EXOC6B: variants seen among roughly 807,000 people sequenced by gnomAD.
EXOC6B encodes the protein exocyst complex component 6B, also known as SEC15 homolog B.
In EXOC6B, 54 loss-of-function variants were observed where a neutral mutation model predicts 113.5. The observed-to-expected ratio is 0.48, with a 90% confidence interval of 0.38 to 0.60. The LOEUF (loss-of-function observed/expected upper bound fraction) is 0.60. Ranked by LOEUF, EXOC6B falls within the 20% of genes least tolerant of loss-of-function variation. The probability of loss-of-function intolerance (pLI) is 0.00; values close to 1 mark genes in which losing one functional copy is unlikely to be tolerated. For missense variants in EXOC6B, 797 were observed against 977.5 expected (o/e 0.82, Z 2.46); for synonymous variants, 357 against 339.0 (o/e 1.05, Z -0.58).
At chr2:72,782,453 G>A (rs1299051267) in intron 1 of EXOC6B, among the ~76,000 whole-genome samples, 5 of 152,056 alleles carry the variant, frequency 3.3e-5, no homozygotes, top group African/African-American at 4.8e-5. Context: ...TTTGTTACAC[G>A]TATAGACTGT....
intron 20 of EXOC6B, among the ~76,000 whole-genome samples, chr2:72,326,356 C>T (rs1455571353): frequency 6.6e-6 from 1 of 152,136 alleles, no homozygotes; most frequent in Non-Finnish European, 1.5e-5. Flanking sequence ...CTGAGTTCCT[C>T]AGGCTTGGTT....
chr2:72,183,491 C>T (rs1332813100), intron 21 of EXOC6B, among the ~76,000 whole-genome samples: 1 of 152,218 alleles, frequency 6.6e-6, no homozygotes. Flanking sequence ...AGGGAACCCT[C>T]TGCAGGCTAG....
chr2:72,310,517 A>G (rs1209048028), intron 20 of EXOC6B, among the ~76,000 whole-genome samples: 1 of 152,094 alleles, frequency 6.6e-6, no homozygotes, highest in Non-Finnish European at 1.5e-5. Context: ...AGAGTTCTTT[A>G]TATATTCTGG....
intron 6 of EXOC6B, 92 bp downstream of exon 6, chr2:72,718,006 GGATAA>G: frequency 2.4e-6 from 2 of 825,996 alleles, no homozygotes; most frequent in African/African-American, 1.7e-5. Context: ...TAAGAAACTT[GGATAA>G]GATAATGACT....
intron 1 of EXOC6B, among the ~76,000 whole-genome samples, chr2:72,768,288 CTTTT>C (rs200442752): frequency 3.8e-5 from 4 of 105,360 alleles, no homozygotes; most frequent in Admixed American, 2.1e-4. Flanking sequence ...AGAATGCAAG[CTTTT>C]TTTTTTTTTT....
In EXOC6B at chr2:72,663,748, G is replaced by A. The variant is rs190157222; in HGVS notation, c.669+54355C>T. On this transcript the variant is annotated intron_variant, in intron 6 of 21. Transcript: ENST00000272427. The stretch of plus-strand genomic sequence containing the variant: ...GAATACATAGGACTTTTAGGGCAGT[G>A]AAACTATTCCATAATATTGCTATGG... Among the ~76,000 whole-genome samples the A allele has an allele frequency of 2.7e-4, 41 of 152,204 alleles. 1 individual carries two copies. In the East Asian group the frequency reaches 6.8e-3, roughly 25 times the overall value.
At chr2:72,189,194 C>G (rs1472826904) in intron 20 of EXOC6B, among the ~76,000 whole-genome samples, 1 of 152,088 alleles carries the variant, frequency 6.6e-6, no homozygotes, top group Non-Finnish European at 1.5e-5. Flanking sequence ...GCTGTCATGT[C>G]TCTTTAGTTT....
intron 8 of EXOC6B, among the ~76,000 whole-genome samples, chr2:72,519,733 AATG>A (rs1429520038): frequency 6.6e-6 from 1 of 152,190 alleles, no homozygotes; most frequent in Non-Finnish European, 1.5e-5. Flanking sequence ...GAAGATTAAT[AATG>A]ATGACTTCTG....
intron 19 of EXOC6B, among the ~76,000 whole-genome samples, chr2:72,378,978 T>C (rs1691519976): frequency 1.3e-5 from 2 of 152,190 alleles, no homozygotes; most frequent in African/African-American, 4.8e-5. Context: ...GAAGTGATCA[T>C]ATGGCAGTGT....
chr2:72,194,971 T>C lies in EXOC6B; in HGVS notation c.2197-10784A>G, dbSNP rs187148683. On this transcript the variant is annotated intron_variant, in intron 20 of 21. Transcript: ENST00000272427. Reference sequence around the variant, plus strand: ...AAGAGTGGCTGTGCAGCTCCCTGCTTTCCCTGCAGCCCAGCTCCAGGTGGA... The same window carrying C: ...AAGAGTGGCTGTGCAGCTCCCTGCTCTCCCTGCAGCCCAGCTCCAGGTGGA... Among the ~76,000 whole-genome samples the C allele has an allele frequency of 2.0e-5, 3 of 152,220 alleles. No homozygotes were observed. The East Asian group carries it at 5.8e-4, about 29-fold the overall frequency.
chr2:72,300,747 T>A (rs757630460), intron 20 of EXOC6B, among the ~76,000 whole-genome samples: 6 of 152,118 alleles, frequency 3.9e-5, no homozygotes, highest in Non-Finnish European at 8.8e-5. Context: ...TTCCTCCGGG[T>A]ACAGTCTCTC....
rs79648830 is a variant in EXOC6B at position 72,274,105 on chromosome 2, A to T, written c.2196+60842T>A. Among the ~76,000 whole-genome samples the T allele has an allele frequency of 5.5e-3, 835 of 152,274 alleles. 7 individuals are homozygous for T. Among genetic ancestry groups the T allele is most frequent in the African/African-American group, 0.019 (807 of 41,570 alleles). ...AATTAATCCCAGAGTATAGAAATAG[A>T]ACAAATAAACTATGATGCTTCTAAC... is the stretch of plus-strand genomic sequence containing the variant. On this transcript the variant is annotated intron_variant, in intron 20 of 21. Coordinates refer to ENST00000272427, the MANE Select transcript of EXOC6B (RefSeq NM_015189.3).
chr2:72,291,470 A>C (rs977140218), intron 20 of EXOC6B, among the ~76,000 whole-genome samples: 3 of 152,204 alleles, frequency 2.0e-5, no homozygotes, highest in Non-Finnish European at 4.4e-5. Flanking sequence ...TCAGTAGAAA[A>C]ACAATACATC....
chr2:72,361,037 A>G (rs1368111952), intron 19 of EXOC6B, among the ~76,000 whole-genome samples: 1 of 151,978 alleles, frequency 6.6e-6, no homozygotes, highest in Non-Finnish European at 1.5e-5. Flanking sequence ...TTGCTCTGCT[A>G]TGCTCTGTCC....
chr2:72,405,796 A>G (rs561568300), intron 18 of EXOC6B, among the ~76,000 whole-genome samples: 120 of 152,328 alleles, frequency 7.9e-4, no homozygotes, highest in South Asian at 4.4e-3. Flanking sequence ...TGCATCAACT[A>G]AAGAACAAAA....
chr2:72,762,242 CAAAAAAAA>C (rs557776288), intron 1 of EXOC6B, among the ~76,000 whole-genome samples: 1 of 61,248 alleles, frequency 1.6e-5, no homozygotes, highest in East Asian at 5.2e-4. Flanking sequence ...GACTCCGTCT[CAAAAAAAA>C]AAAAAAAAGA....
chr2:72,704,274 A>C (rs1160173844), intron 6 of EXOC6B, among the ~76,000 whole-genome samples: 1 of 151,276 alleles, frequency 6.6e-6, no homozygotes, highest in Non-Finnish European at 1.5e-5. Context: ...GTTCTTTGAA[A>C]CCAACGAGAA....
intron 21 of EXOC6B, among the ~76,000 whole-genome samples, chr2:72,181,382 C>T (rs543980524): frequency 2.0e-5 from 3 of 152,186 alleles, no homozygotes; most frequent in East Asian, 3.9e-4. Flanking sequence ...AGAGAAAGCA[C>T]GAGGGTCCTT....
chr2:72,752,468 G>GA (rs1171041895), intron 1 of EXOC6B, among the ~76,000 whole-genome samples: 21 of 149,432 alleles, frequency 1.4e-4, no homozygotes, highest in Middle Eastern at 3.5e-3. Context: ...TTATTTTAAA[G>GA]AAAAAAAAAT....
Sources: gnomAD v4.1 joint callset for allele counts (sites outside exome capture counted in the v4.1 genomes callset) on GRCh38, gnomAD v4.1.1 for gene constraint, MANE v1.5 for transcripts, NCBI Gene and HGNC (gene_info 2026-07-23, HGNC 2026-07-21) for gene names.